MOGAT1: variants seen among roughly 807,000 people sequenced by gnomAD.
The protein encoded by MOGAT1 is monoacylglycerol O-acyltransferase 1, also known as 2-acylglycerol O-acyltransferase 1.
MOGAT1 carries 32 observed loss-of-function variants against 31.4 expected under a neutral mutation model. The observed-to-expected ratio is 1.02, with a 90% CI of 0.77 to 1.37. The LOEUF is 1.37. MOGAT1 is among the 40% of genes most tolerant of loss of function. The pLI is 0.00. For synonymous variants in MOGAT1, 145 were observed against 144.5 expected, an observed-to-expected ratio of 1.00 and a Z score of -0.03; for missense variants, 426 against 402.0, an observed-to-expected ratio of 1.06 and a Z score of -0.51.
chr2:222,701,299 G>GAGAGAGAGAGAGAGA (rs71053101), intron 5 of MOGAT1, among the ~76,000 whole-genome samples: 64 of 90,534 alleles, frequency 7.1e-4, no homozygotes, highest in African/African-American at 1.3e-3. Context: ...AGGAGGAGGA[G>GAGAGAGAGAGAGAGA]GAGAGAGAGA....
chr2:222,685,557 G>A (rs938043122), intron 1 of MOGAT1, among the ~76,000 whole-genome samples: 9 of 147,406 alleles, frequency 6.1e-5, no homozygotes, highest in Admixed American at 2.0e-4. Flanking sequence ...AAAAATAGAC[G>A]TTATCTAGTT....
chr2:222,707,361 G>GAAAA (rs1553563347), intron 5 of MOGAT1, among the ~76,000 whole-genome samples: 1 of 120,872 alleles, frequency 8.3e-6, no homozygotes, highest in Non-Finnish European at 1.8e-5. Flanking sequence ...AAGAAAGAAA[G>GAAAA]AGAAAGAAAG....
rs539478886 is a variant in MOGAT1, at chr2:222,678,951, A to C, written c.94+7072A>C. 1.2e-3 allele frequency among the ~76,000 whole-genome samples: 180 copies of C among 152,326 alleles called. 1 individual carries two copies. The highest frequency in any genetic ancestry group is 4.1e-3 in the African/African-American group (169 of 41,564). Reference sequence around the variant, plus strand: ...AGATCAAAAAACTCCGTCTCAAAAAAAAAAGTTCTTTGCTTAATCCAAGGT... The same window carrying C: ...AGATCAAAAAACTCCGTCTCAAAAACAAAAGTTCTTTGCTTAATCCAAGGT... On this transcript the variant is annotated intron_variant, in intron 1 of 5. Transcript: ENST00000446656.
chr2:222,696,777 C>T (rs1692841448), intron 5 of MOGAT1, among the ~76,000 whole-genome samples: 1 of 152,182 alleles, frequency 6.6e-6, no homozygotes, highest in East Asian at 1.9e-4. Flanking sequence ...TGGTGGCACA[C>T]ACCTGTATTC....
At position 222,689,716 on chromosome 2, in the gene MOGAT1, A is replaced by C. The variant is rs377212376; in HGVS notation, c.478+247A>C. ...TCCAGCATGGTGCCTGGAACATAGA[A>C]ATGTTCAATGAATATTAACACAATG... On this transcript the variant is annotated intron_variant, in intron 3 of 5. Transcript: ENST00000446656. 3.3e-5 allele frequency among the ~76,000 whole-genome samples: 5 copies of C among 152,216 alleles called. No homozygotes were observed. The South Asian group carries it at 8.3e-4, about 25-fold the overall frequency.
chr2:222,703,960 A>T (rs1428540361), intron 5 of MOGAT1, among the ~76,000 whole-genome samples: 1 of 152,160 alleles, frequency 6.6e-6, no homozygotes, highest in Non-Finnish European at 1.5e-5. Flanking sequence ...ACAGCATAGC[A>T]CCGTAGAAAC....
At chr2:222,700,301 G>A (rs915332295) in intron 5 of MOGAT1, among the ~76,000 whole-genome samples, 2 of 152,176 alleles carry the variant, frequency 1.3e-5, no homozygotes, top group East Asian at 3.8e-4. Flanking sequence ...TACCTCTACT[G>A]ACAAATAATC....
chr2:222,672,834 A>T (rs1223941976), intron 1 of MOGAT1, among the ~76,000 whole-genome samples: 1 of 151,572 alleles, frequency 6.6e-6, no homozygotes. Flanking sequence ...CTAGATGAGA[A>T]TCACTGGAGA....
Position 222,689,283 on chromosome 2 carries a change from T to A in MOGAT1, c.292T>A (p.Leu98Met), listed in dbSNP as rs774805174. The change falls in exon 3 of 6, where the codon TTG becomes ATG. Residue 98 changes from leucine (L) to methionine (M), a missense_variant. By Grantham distance (15) the Leu-to-Met change is conservative (BLOSUM62 2). Transcript: ENST00000446656. ...FPIHLIKTQD[L>M]DPSHNYIFGF... ...GCTGTAGCTTATCAAAACTCAAGAT[T>A]TGGATCCAAGTCACAACTATATATT... 1 of 1,613,596 alleles carries A rather than the reference T, an allele frequency of 6.2e-7. No individual in the cohort carries two copies. Among genetic ancestry groups the A allele is most frequent in the South Asian group, 1.1e-5 (1 of 91,054 alleles).
intron 1 of MOGAT1, among the ~76,000 whole-genome samples, chr2:222,673,656 C>T (rs531411190): frequency 9.8e-5 from 15 of 152,286 alleles, no homozygotes; most frequent in Admixed American, 5.9e-4. Context: ...AAAGTGTCTG[C>T]TTTAACCACT....
intron 1 of MOGAT1, among the ~76,000 whole-genome samples, chr2:222,686,491 T>A (rs1293391517): frequency 6.6e-6 from 1 of 152,180 alleles, no homozygotes. Context: ...TTTTTGCACA[T>A]CTTACCAAAA....
chr2:222,673,631 C>A (rs993384929), intron 1 of MOGAT1, among the ~76,000 whole-genome samples: 5 of 152,104 alleles, frequency 3.3e-5, no homozygotes, highest in African/African-American at 1.2e-4. Context: ...GGTTTCAAAC[C>A]CAAGTATTCT....
intron 5 of MOGAT1, among the ~76,000 whole-genome samples, chr2:222,697,439 C>G (rs956773325): frequency 6.6e-6 from 1 of 151,986 alleles, no homozygotes; most frequent in Admixed American, 6.6e-5. Flanking sequence ...ATTGCAGACG[C>G]ACATGAAGAG....
In MOGAT1 at chr2:222,695,166, T is replaced by C. The variant is rs903621352; in HGVS notation, c.731T>C (p.Ile244Thr). 6.2e-7 allele frequency: 1 copy of C among 1,613,738 alleles called. No individual in the cohort carries two copies. Residue 244 changes from isoleucine (I) to threonine (T), a missense_variant, in exon 5 of 6, where the codon ATT becomes ACT. By Grantham distance (89) the Ile-to-Thr change is moderately conservative. Transcript: ENST00000446656. The part of the protein sequence containing the change: ...KQTDNPEGSW[I>T]RTVQNKLQKI... Reference sequence around the variant, plus strand: ...ACTGACAACCCTGAAGGATCATGGATTAGAACTGTTCAGAATAAACTGCAG... The same window carrying C: ...ACTGACAACCCTGAAGGATCATGGACTAGAACTGTTCAGAATAAACTGCAG...
chr2:222,682,106 C>A (rs575945083), intron 1 of MOGAT1, among the ~76,000 whole-genome samples: 90 of 134,248 alleles, frequency 6.7e-4, no homozygotes, highest in Non-Finnish European at 9.4e-4. Flanking sequence ...CATTTGCTTT[C>A]TCTCCCTCTC....
chr2:222,672,889 T>TTTA (rs58396282), intron 1 of MOGAT1, among the ~76,000 whole-genome samples: 13,680 of 139,074 alleles, frequency 0.098, 737 homozygotes, highest in African/African-American at 0.13. Flanking sequence ...CTGGAATTTG[T>TTTA]TTATTATTAT....
At chr2:222,688,551 T>C in intron 2 of MOGAT1, 29 bp downstream of exon 2, 1 of 1,526,250 alleles carries the variant, frequency 6.6e-7, no homozygotes, top group Non-Finnish European at 8.9e-7. Flanking sequence ...TAAAGTATTA[T>C]TTTGATTTAG....
In MOGAT1 at chr2:222,689,362, T is replaced by C; in HGVS notation, c.371T>C (p.Val124Ala). ...GTTGGAGCCTTTGGGAATTTTTCTGTAAATTATTCTGACTTCAAGGACCTG... is the reference window on the plus strand; with the variant it reads ...GTTGGAGCCTTTGGGAATTTTTCTGCAAATTATTCTGACTTCAAGGACCTG... ...MAVGAFGNFS[V>A]NYSDFKDLFP... The change falls in exon 3 of 6, where the codon GTA (valine) becomes GCA (alanine). Residue 124 changes from valine to alanine, a missense_variant. Val to Ala is a moderately conservative substitution (Grantham distance 64). Transcript: ENST00000446656. 1 of 1,614,068 alleles carries C rather than the reference T, an allele frequency of 6.2e-7. No homozygotes were observed. Among genetic ancestry groups the C allele is most frequent in the Non-Finnish European group, 8.5e-7 (1 of 1,179,896 alleles).
At chr2:222,684,940 A>G (rs1259086069) in intron 1 of MOGAT1, among the ~76,000 whole-genome samples, 1 of 152,222 alleles carries the variant, frequency 6.6e-6, no homozygotes, top group Non-Finnish European at 1.5e-5. Flanking sequence ...GCAAGATTAC[A>G]TTTATAGAGA....
Sources: allele counts gnomAD v4.1 joint callset (sites outside exome capture counted in the v4.1 genomes callset), GRCh38; gene constraint gnomAD v4.1.1; transcripts MANE v1.5; gene names NCBI Gene and HGNC (gene_info 2026-07-23, HGNC 2026-07-21).